SUB1: variants seen among roughly 807,000 people sequenced by gnomAD.
The protein encoded by SUB1 is activated RNA polymerase II transcriptional coactivator p15.
A neutral mutation model predicts 16.9 loss-of-function variants in SUB1; 1 was observed. The ratio of observed to expected loss-of-function variants is 0.06; its 90% CI spans 0.02 to 0.28. The LOEUF (loss-of-function observed/expected upper bound fraction) is 0.28. Ranked by LOEUF, SUB1 falls within the 10% of genes least tolerant of loss-of-function variation. The probability of loss-of-function intolerance (pLI) is 1.00; values close to 1 mark genes in which losing one functional copy is unlikely to be tolerated. For synonymous variants in SUB1, 51 were observed against 46.9 expected (o/e 1.09, Z -0.36); for missense variants, 84 against 145.2 (o/e 0.58, Z 2.16).
At chr5:32,596,562 CTG>C (rs1738970219) in intron 3 of SUB1, 1 of 152,136 alleles carries the variant, frequency 6.6e-6, no homozygotes, top group African/African-American at 2.4e-5. Context: ...ATTAATTTCT[CTG>C]TGTATGATGT....
rs1268585925 is a variant in SUB1 at position 32,603,403 on chromosome 5, T to G, written c.*2319T>G. The G allele has an allele frequency of 6.6e-6, 1 of 152,164 alleles. No individual in the cohort carries two copies. Among genetic ancestry groups the G allele is most frequent in the African/African-American group, 2.4e-5 (1 of 41,452 alleles). 9.4% of individuals were successfully genotyped at this position (152,164 alleles called of 1,614,324 possible). On this transcript the variant is annotated 3_prime_UTR_variant, in exon 5 of 5. Transcript: ENST00000265073. ...CTTACAATGCCAAAATGAATTTAATTCCAGTACTCAGGTTTTTCCCTTTAA... is the reference window on the plus strand; with the variant it reads ...CTTACAATGCCAAAATGAATTTAATGCCAGTACTCAGGTTTTTCCCTTTAA...
At chr5:32,592,189 C>A (rs953286374) in intron 3 of SUB1, among the ~76,000 whole-genome samples, 20 of 152,188 alleles carry the variant, frequency 1.3e-4, no homozygotes, top group African/African-American at 4.8e-4. Flanking sequence ...TCTCTAAAGT[C>A]TAGTTTTGCT....
intron 2 of SUB1, among the ~76,000 whole-genome samples, chr5:32,589,094 A>AT (rs1206772859): frequency 1.1e-3 from 161 of 148,644 alleles, no homozygotes; most frequent in Middle Eastern, 3.4e-3. Context: ...TAAAATGTTA[A>AT]TTTTTTTTTT....
intron 4 of SUB1, among the ~76,000 whole-genome samples, chr5:32,600,459 A>C (rs1448299460): frequency 6.6e-6 from 1 of 152,200 alleles, no homozygotes; most frequent in Non-Finnish European, 1.5e-5. Context: ...ATTTATTCTC[A>C]TTGGTTACAA....
chr5:32,588,250 C>T (rs1450574388), intron 1 of SUB1, among the ~76,000 whole-genome samples: 1 of 152,130 alleles, frequency 6.6e-6, no homozygotes, highest in African/African-American at 2.4e-5. Context: ...ATCCATTGGC[C>T]TGGAGAAAGG....
intron 2 of SUB1, among the ~76,000 whole-genome samples, chr5:32,590,600 A>C (rs532830630): frequency 2.1e-4 from 31 of 145,042 alleles, no homozygotes; most frequent in African/African-American, 7.6e-4. Context: ...CTTTTTTTTT[A>C]ATTTTTTATT....
intron 2 of SUB1, among the ~76,000 whole-genome samples, chr5:32,590,287 AT>A (rs1554005375): frequency 6.6e-6 from 1 of 152,130 alleles, no homozygotes; most frequent in Non-Finnish European, 1.5e-5. Flanking sequence ...GTAACATTCA[AT>A]TAATTTAGTA....
chr5:32,601,238 T>A lies in SUB1; in HGVS notation c.*154T>A, dbSNP rs1312148566. ...AATACTTTTTTTTAATGTGCATTAT[T>A]AAAAATATTGAGTGAAGCTAATTGT... On this transcript the variant is annotated 3_prime_UTR_variant, in exon 5 of 5. Transcript: ENST00000265073. 4 of 612,944 alleles carry A rather than the reference T, an allele frequency of 6.5e-6. No individual in the cohort carries two copies. Among genetic ancestry groups the A allele is most frequent in the Non-Finnish European group, 1.1e-5 (4 of 352,138 alleles). The allele number at this position is 612,944 out of a possible 1,614,324, so 38.0% of individuals were successfully genotyped here.
intron 2 of SUB1, chr5:32,591,126 A>AT (rs1738815193): frequency 6.6e-6 from 1 of 152,484 alleles, no homozygotes; most frequent in Non-Finnish European, 1.5e-5. Flanking sequence ...ATAAATAAAC[A>AT]TATCCTGGAA....
Position 32,591,549 on chromosome 5 carries a change from A to G in SUB1, c.73-14A>G. ...ATTTTTATGTGTGCAAATTTTAACC[A>G]TATTCTTTTCTAGTTAAAGAGGAAA... On this transcript the variant is annotated splice_polypyrimidine_tract_variant and intron_variant, in intron 2 of 4. Transcript: ENST00000265073. 2.5e-6 allele frequency: 4 copies of G among 1,584,064 alleles called. No homozygotes were observed. The highest frequency in any genetic ancestry group is 1.2e-5 in the South Asian group (1 of 85,524).
chr5:32,592,378 T>TA lies in SUB1; in HGVS notation c.195+696dup, dbSNP rs140516937. Among the ~76,000 whole-genome samples, 1,066 of 152,284 alleles carry TA rather than the reference T, an allele frequency of 7.0e-3. 39 individuals are homozygous for TA. The East Asian group carries it at 0.093, about 13-fold the overall frequency. On this transcript the variant is annotated intron_variant, in intron 3 of 4. Coordinates refer to ENST00000265073, the MANE Select transcript of SUB1 (RefSeq NM_006713.4). Reference sequence around the variant, plus strand: ...AGAAAAGGGGAATGGGTTGAATAGATAAAGTGAAGGAAGTTCATTAGAGGG... The same window carrying TA: ...AGAAAAGGGGAATGGGTTGAATAGATAAAAGTGAAGGAAGTTCATTAGAGGG...
intron 3 of SUB1, among the ~76,000 whole-genome samples, chr5:32,593,458 T>C (rs180921823): frequency 6.6e-6 from 1 of 152,298 alleles, no homozygotes; most frequent in African/African-American, 2.4e-5. Flanking sequence ...CTTGTTATAC[T>C]TCTAGGTAAA....
At chr5:32,595,556 T>G (rs1363641541) in intron 3 of SUB1, 1 of 152,270 alleles carries the variant, frequency 6.6e-6, no homozygotes, top group African/African-American at 2.4e-5. Flanking sequence ...GTAAATCCAT[T>G]CACCTTGGGT....
At chr5:32,587,253 A>C (rs1738696993) in intron 1 of SUB1, among the ~76,000 whole-genome samples, 1 of 152,182 alleles carries the variant, frequency 6.6e-6, no homozygotes, top group South Asian at 2.1e-4. Flanking sequence ...TGAGATGGGG[A>C]GAGCAAAAGA....
At chr5:32,587,537 G>A (rs1738703575) in intron 1 of SUB1, among the ~76,000 whole-genome samples, 1 of 152,006 alleles carries the variant, frequency 6.6e-6, no homozygotes, top group Non-Finnish European at 1.5e-5. Context: ...CCATAAATAG[G>A]TTCTTCAAAT....
chr5:32,602,438 C>G lies in SUB1; in HGVS notation c.*1354C>G, dbSNP rs904980238. On this transcript the variant is annotated 3_prime_UTR_variant, in exon 5 of 5. Transcript: ENST00000265073. ...AAGTTTTAAAGACATATAAAAGATT[C>G]TTGTTGACAAATTATTTTTGGTAGC... The G allele has an allele frequency of 8.9e-6, 2 of 223,644 alleles. No individual in the cohort carries two copies. The highest frequency in any genetic ancestry group is 1.9e-5 in the Non-Finnish European group (2 of 108,014). 13.9% of individuals were successfully genotyped at this position (223,644 alleles called of 1,614,324 possible).
At chr5:32,597,348 C>T (rs542652079) in intron 3 of SUB1, 1 of 152,168 alleles carries the variant, frequency 6.6e-6, no homozygotes, top group South Asian at 2.1e-4. Context: ...TTATGACTGG[C>T]TTATTTCATT....
At chr5:32,591,338 G>C (rs1406922665) in intron 2 of SUB1, 1 of 444,778 alleles carries the variant, frequency 2.2e-6, no homozygotes, top group East Asian at 5.0e-5. Context: ...TATAATGCCT[G>C]AAGTGTCTTT....
chr5:32,591,188 T>C, intron 2 of SUB1: 1 of 158,954 alleles, frequency 6.3e-6, no homozygotes, highest in Non-Finnish European at 1.4e-5. Context: ...CTTCGTAAAA[T>C]AAGTAACTGA....
Sources: allele counts gnomAD v4.1 joint callset (sites outside exome capture counted in the v4.1 genomes callset), GRCh38; gene constraint gnomAD v4.1.1; transcripts MANE v1.5; gene names NCBI Gene and HGNC (gene_info 2026-07-23, HGNC 2026-07-21).